The following DEK variants were observed in gnomAD, a reference collection of about 807,000 sequenced individuals.
DEK encodes DEK proto-oncogene.
Under a neutral mutation model 46.8 loss-of-function variants are expected in DEK, and 28 were observed. The observed-to-expected ratio is 0.60, with a 90% confidence interval of 0.44 to 0.82. DEK has a LOEUF of 0.82. Among genes scored for constraint, DEK ranks in the 40% least tolerant of loss-of-function variants. DEK has a pLI of 0.00. For synonymous variants in DEK, 160 were observed against 144.5 expected, an observed-to-expected ratio of 1.11 and a Z score of -0.77; for missense variants, 416 against 430.6, an observed-to-expected ratio of 0.97 and a Z score of 0.30.
intron 7 of DEK, among the ~76,000 whole-genome samples, chr6:18,237,772 G>A (rs752617188): frequency 2.0e-5 from 3 of 150,536 alleles, no homozygotes; most frequent in Non-Finnish European, 2.9e-5. Flanking sequence ...AACTACATAT[G>A]CATTACTCTA....
At chr6:18,260,400 G>C (rs1791803764) in intron 2 of DEK, among the ~76,000 whole-genome samples, 1 of 152,082 alleles carries the variant, frequency 6.6e-6, no homozygotes, top group African/African-American at 2.4e-5. Context: ...CTGTCATCTG[G>C]ACAGCTACAA....
chr6:18,256,420 A>C lies in DEK; in HGVS notation c.393T>G (p.Ser131Arg). The change falls in exon 5 of 11, where the codon AGT becomes AGG. Residue 131 changes from serine to arginine, a missense_variant. Physicochemically the swap from Ser to Arg is moderately radical, Grantham distance 110. Coordinates refer to ENST00000652689, the MANE Select transcript of DEK (RefSeq NM_003472.4). ...SSLKKNVGQFSGFPFEKGSVQ... is the reference protein window; with the variant it reads ...SSLKKNVGQFRGFPFEKGSVQ... ...CACTTCCTTTTTCAAATGGAAAGCC[A>C]CTGAACTGACCCACATTCTTCTTTA... 6.2e-7 allele frequency: 1 copy of C among 1,613,478 alleles called. No homozygotes were observed. The highest frequency in any genetic ancestry group is 8.5e-7 in the Non-Finnish European group (1 of 1,179,726).
At chr6:18,225,912 A>C in intron 10 of DEK, 182 bp from the exon 11 acceptor site, 1 of 752,742 alleles carries the variant, frequency 1.3e-6, no homozygotes, top group Non-Finnish European at 2.1e-6. Context: ...TATTTGTGAG[A>C]GCAACGTTGA....
intron 2 of DEK, among the ~76,000 whole-genome samples, chr6:18,259,713 T>C (rs1293504667): frequency 6.6e-6 from 1 of 152,172 alleles, no homozygotes; most frequent in Non-Finnish European, 1.5e-5. Context: ...TTAAGAAAGA[T>C]ACACAAATAA....
rs1157524164 is a variant in DEK at position 18,237,366 on chromosome 6, T to A, written c.898+15A>T. The A allele has an allele frequency of 5.0e-6, 8 of 1,584,836 alleles. No individual in the cohort carries two copies. The highest frequency in any genetic ancestry group is 1.4e-5 in the African/African-American group (1 of 72,826). The stretch of plus-strand genomic sequence containing the variant: ...ATATCTTTAAAGTTGCTGATTAATG[T>A]TATTTCTAACATACCTTTTTTGGAA... On this transcript the variant is annotated intron_variant, in intron 8 of 10. Coordinates refer to ENST00000652689, the MANE Select transcript of DEK (RefSeq NM_003472.4).
intron 9 of DEK, among the ~76,000 whole-genome samples, chr6:18,229,978 G>C (rs1213501674): frequency 6.6e-6 from 1 of 152,210 alleles, no homozygotes; most frequent in Non-Finnish European, 1.5e-5. Context: ...CAGCCAGAGA[G>C]AAAGGTCGGG....
chr6:18,235,025 T>C (rs1227383081), intron 9 of DEK, among the ~76,000 whole-genome samples: 1 of 152,220 alleles, frequency 6.6e-6, no homozygotes, highest in Non-Finnish European at 1.5e-5. Context: ...ACAAAAATCC[T>C]TCTAATGGAC....
intron 7 of DEK, among the ~76,000 whole-genome samples, chr6:18,244,928 T>C (rs534237371): frequency 4.6e-5 from 7 of 152,338 alleles, no homozygotes; most frequent in African/African-American, 1.4e-4. Flanking sequence ...AGATAATCCC[T>C]TGAATGGTCC....
At chr6:18,240,537 T>C (rs1302761647) in intron 7 of DEK, among the ~76,000 whole-genome samples, 2 of 152,216 alleles carry the variant, frequency 1.3e-5, no homozygotes, top group Non-Finnish European at 1.5e-5. Flanking sequence ...AAAAGTATTT[T>C]TGGTAGTACC....
At chr6:18,233,169 T>C in intron 9 of DEK, among the ~76,000 whole-genome samples, 1 of 152,206 alleles carries the variant, frequency 6.6e-6, no homozygotes, top group African/African-American at 2.4e-5. Context: ...TGAAACTGGA[T>C]CGCTTCTTTA....
chr6:18,225,785 T>C (rs935441112), intron 10 of DEK, 55 bp from the exon 11 acceptor site: 1 of 1,596,778 alleles, frequency 6.3e-7, no homozygotes, highest in African/African-American at 1.3e-5. Context: ...TTATCCCATT[T>C]TTTCCACATC....
Position 18,263,880 on chromosome 6 carries a change from C to G in DEK, c.108G>C (p.Glu36Asp), listed in dbSNP as rs201415556. The G allele has an allele frequency of 1.2e-6, 2 of 1,612,974 alleles. No homozygotes were observed. Among genetic ancestry groups the G allele is most frequent in the East Asian group, 2.2e-5 (1 of 44,728 alleles). ...CCTCCTCCTCCTCGTCGTCCTCGTC[C>G]TCTTCCTCCTCGCTCTCCTCTCTGG... ...PGPREESEEE[E>D]DEDDEEEEEE... Residue 36 changes from glutamate (E) to aspartate (D), a missense_variant, in exon 2 of 11, where the codon GAG (glutamate) becomes GAC (aspartate). Physicochemically the swap from Glu to Asp is conservative, Grantham distance 45 (BLOSUM62 2). Coordinates refer to ENST00000652689, the MANE Select transcript of DEK (RefSeq NM_003472.4).
chr6:18,236,399 G>C, intron 9 of DEK, 53 bp downstream of exon 9: 3 of 1,573,722 alleles, frequency 1.9e-6, no homozygotes, highest in South Asian at 1.2e-5. Flanking sequence ...TCAGAGATAA[G>C]TGAAAGAATT....
chr6:18,250,248 T>C (rs536138793), intron 6 of DEK, among the ~76,000 whole-genome samples: 47 of 152,160 alleles, frequency 3.1e-4, no homozygotes, highest in Non-Finnish European at 6.5e-4. Context: ...GGCGGGCAGA[T>C]CATGAGGTCA....
In DEK at chr6:18,264,467, G is replaced by A. The variant is rs776969397; in HGVS notation, c.-92C>T. 4.2e-5 allele frequency: 12 copies of A among 283,924 alleles called. No homozygotes were observed. The highest frequency in any genetic ancestry group is 7.1e-5 in the Non-Finnish European group (10 of 140,462). 17.6% of individuals were successfully genotyped at this position (283,924 alleles called of 1,614,324 possible). On this transcript the variant is annotated 5_prime_UTR_variant, in exon 1 of 11. Transcript: ENST00000652689. The stretch of plus-strand genomic sequence containing the variant: ...CGGCGGCGGCCGACGCCGAGGAGAA[G>A]GCGCGCGGGCCGCTGTCTGGCGTGA...
chr6:18,227,493 C>T (rs1362201255), intron 9 of DEK, among the ~76,000 whole-genome samples: 1 of 152,194 alleles, frequency 6.6e-6, no homozygotes, highest in Non-Finnish European at 1.5e-5. Flanking sequence ...GACCCTGCCA[C>T]ATCCCCCTCT....
intron 2 of DEK, 114 bp downstream of exon 2, chr6:18,263,729 A>T: frequency 1.9e-6 from 3 of 1,591,170 alleles, no homozygotes; most frequent in Non-Finnish European, 2.6e-6. Flanking sequence ...GCTGAAAATC[A>T]CTCCGACTTC....
intron 9 of DEK, among the ~76,000 whole-genome samples, chr6:18,231,836 AAG>A (rs1323988680): frequency 3.3e-5 from 5 of 152,224 alleles, no homozygotes; most frequent in African/African-American, 1.2e-4. Context: ...TGAATAGAAA[AAG>A]AGGGAATCCT....
At chr6:18,260,307 C>T (rs970681338) in intron 2 of DEK, among the ~76,000 whole-genome samples, 1 of 152,106 alleles carries the variant, frequency 6.6e-6, no homozygotes, top group African/African-American at 2.4e-5. Flanking sequence ...ACAGATGCAA[C>T]CATCCATTTT....
Sources: gnomAD v4.1 joint callset for allele counts (sites outside exome capture counted in the v4.1 genomes callset) on GRCh38, gnomAD v4.1.1 for gene constraint, MANE v1.5 for transcripts, NCBI Gene and HGNC (gene_info 2026-07-23, HGNC 2026-07-21) for gene names.